Variants in SULF1 observed in about 807,000 individuals in gnomAD.
The protein encoded by SULF1 is extracellular sulfatase Sulf-1.
SULF1 carries 46 observed loss-of-function variants against 110.5 expected under a neutral mutation model. The observed-to-expected ratio is 0.42, with a 90% CI of 0.33 to 0.53. The LOEUF is 0.53. Among genes scored for constraint, SULF1 ranks in the 20% least tolerant of loss-of-function variants. The pLI is 0.12. For missense variants in SULF1, 941 were observed against 1,094.2 expected, an observed-to-expected ratio of 0.86 and a Z score of 1.98; for synonymous variants, 371 against 387.1, an observed-to-expected ratio of 0.96 and a Z score of 0.49.
intron 3 of SULF1, among the ~76,000 whole-genome samples, chr8:69,525,875 G>T (rs6998351): frequency 0.66 from 100,302 of 151,932 alleles, 33,460 homozygotes; most frequent in Middle Eastern, 0.78. Flanking sequence ...GAAATTCCTG[G>T]TGTGATAATC....
intron 22 of SULF1, among the ~76,000 whole-genome samples, chr8:69,646,820 C>T (rs965643438): frequency 4.0e-5 from 6 of 151,736 alleles, no homozygotes; most frequent in African/African-American, 1.5e-4. Context: ...CATAATAATA[C>T]ACAAGGATTT....
chr8:69,596,902 C>G (rs7002022), intron 8 of SULF1, among the ~76,000 whole-genome samples: 12,046 of 152,174 alleles, frequency 0.079, 1,063 homozygotes, highest in East Asian at 0.18. Context: ...CTCTTAACCC[C>G]TACAAGAACT....
chr8:69,560,914 A>C (rs900946484), intron 3 of SULF1, among the ~76,000 whole-genome samples: 12 of 152,174 alleles, frequency 7.9e-5, no homozygotes, highest in Admixed American at 3.9e-4. Context: ...CAAAAAATTC[A>C]ATTTTCTTGA....
chr8:69,611,484 C>T lies in SULF1; in HGVS notation c.1377+6552C>T, dbSNP rs141903778. On this transcript the variant is annotated intron_variant, in intron 13 of 22. Transcript: ENST00000402687. ...AAGAAAACAGGCCAGGAGATAAATC[C>T]TCCTGGCACAAGTAACACTAATTCA... Among the ~76,000 whole-genome samples the T allele has an allele frequency of 5.8e-4, 88 of 152,258 alleles. No individual in the cohort carries two copies. The East Asian group carries it at 0.016, about 28-fold the overall frequency.
chr8:69,526,832 A>AGGAG (rs1812719269), intron 3 of SULF1, among the ~76,000 whole-genome samples: 2 of 143,122 alleles, frequency 1.4e-5, no homozygotes, highest in African/African-American at 5.7e-5. Context: ...GAAGGAAGGA[A>AGGAG]GGAAGGAAGG....
At chr8:69,578,346 A>AT (rs1805774385) in intron 6 of SULF1, among the ~76,000 whole-genome samples, 1 of 151,920 alleles carries the variant, frequency 6.6e-6, no homozygotes, top group Non-Finnish European at 1.5e-5. Flanking sequence ...TTATTTGTTT[A>AT]TTTATTTTAT....
intron 1 of SULF1, among the ~76,000 whole-genome samples, chr8:69,477,112 G>T (rs1418816193): frequency 1.3e-5 from 2 of 152,094 alleles, no homozygotes; most frequent in African/African-American, 4.8e-5. Context: ...TGTCTTGGAG[G>T]TACAAAGACT....
chr8:69,469,651 G>A (rs1418043621), intron 1 of SULF1, among the ~76,000 whole-genome samples: 3 of 152,202 alleles, frequency 2.0e-5, no homozygotes, highest in South Asian at 4.1e-4. Flanking sequence ...AGTGGCAAAT[G>A]GGACATTTCC....
Position 69,554,918 on chromosome 8 carries a change from G to A in SULF1, c.-133-8621G>A, listed in dbSNP as rs1465917083. 2.9e-5 allele frequency among the ~76,000 whole-genome samples: 4 copies of A among 138,374 alleles called. No individual in the cohort carries two copies. In the Admixed American group the frequency reaches 3.1e-4, roughly 11 times the overall value. The allele number at this position is 138,374 out of a possible 152,430, so 90.8% of individuals were successfully genotyped here. A position where few individuals can be genotyped will look rare whatever the true frequency, so the allele number is the denominator to read the frequency against. On this transcript the variant is annotated intron_variant, in intron 3 of 22. Coordinates refer to ENST00000402687, the MANE Select transcript of SULF1 (RefSeq NM_001128205.2). The stretch of plus-strand genomic sequence containing the variant: ...GGCGCGAACCTGGGAGGCGGAGCTT[G>A]CGGTAAGCCGAGACTGCGCCACTGC...
intron 1 of SULF1, among the ~76,000 whole-genome samples, chr8:69,495,126 A>T (rs554951014): frequency 2.6e-5 from 4 of 152,258 alleles, no homozygotes; most frequent in African/African-American, 9.6e-5. Context: ...GTACTGGTTT[A>T]TGAAGAAAAT....
chr8:69,498,711 A>G (rs1379753994), intron 2 of SULF1, among the ~76,000 whole-genome samples: 2 of 118,652 alleles, frequency 1.7e-5, no homozygotes, highest in Admixed American at 9.2e-5. Flanking sequence ...GAGTTTTAAT[A>G]TGTGGAGGAG....
chr8:69,561,569 T>C (rs1217902654), intron 3 of SULF1, among the ~76,000 whole-genome samples: 1 of 152,222 alleles, frequency 6.6e-6, no homozygotes, highest in South Asian at 2.1e-4. Context: ...CTTCTTGTAT[T>C]GCTGATTATT....
chr8:69,538,856 C>T (rs1813653949), intron 3 of SULF1, among the ~76,000 whole-genome samples: 2 of 152,228 alleles, frequency 1.3e-5, no homozygotes, highest in South Asian at 2.1e-4. Flanking sequence ...CCATGCCTGG[C>T]TAATTTTTGT....
At chr8:69,585,628 TA>T (rs1354140575) in intron 6 of SULF1, among the ~76,000 whole-genome samples, 1 of 152,204 alleles carries the variant, frequency 6.6e-6, no homozygotes, top group East Asian at 1.9e-4. Context: ...GTGGCTTTTT[TA>T]GTGAACTGTG....
intron 3 of SULF1, among the ~76,000 whole-genome samples, chr8:69,511,543 T>C (rs1014957585): frequency 2.0e-5 from 3 of 152,190 alleles, no homozygotes; most frequent in Non-Finnish European, 4.4e-5. Context: ...CATCAAAACA[T>C]CTGTTGAGAC....
chr8:69,529,253 G>A (rs149664666), intron 3 of SULF1, among the ~76,000 whole-genome samples: 2,507 of 152,160 alleles, frequency 0.016, 21 homozygotes, highest in Middle Eastern at 0.034. Context: ...GGGAAAAGAG[G>A]TGATGTTCTT....
chr8:69,566,775 G>A (rs188051395), intron 5 of SULF1, among the ~76,000 whole-genome samples: 11 of 151,466 alleles, frequency 7.3e-5, no homozygotes, highest in South Asian at 2.1e-4. Context: ...TGCTTGACCC[G>A]TGAGGCAGAG....
chr8:69,640,238 A>C (rs1811376656), intron 21 of SULF1, among the ~76,000 whole-genome samples: 1 of 152,200 alleles, frequency 6.6e-6, no homozygotes, highest in South Asian at 2.1e-4. Context: ...AATCTCAACC[A>C]ACCATTAGAG....
At chr8:69,628,075 C>A in intron 17 of SULF1, 96 bp from the exon 18 acceptor site, 1 of 1,058,054 alleles carries the variant, frequency 9.5e-7, no homozygotes, top group Non-Finnish European at 1.4e-6. Context: ...AACATCACTG[C>A]CTTCCTTCTT....
Sources: allele counts gnomAD v4.1 joint callset (sites outside exome capture counted in the v4.1 genomes callset), GRCh38; gene constraint gnomAD v4.1.1; transcripts MANE v1.5; gene names NCBI Gene and HGNC (gene_info 2026-07-23, HGNC 2026-07-21).